The following DIAPH2 variants were observed in gnomAD, a reference collection of about 807,000 sequenced individuals.
The protein encoded by DIAPH2 is protein diaphanous homolog 2.
Under a neutral mutation model 92.7 loss-of-function variants are expected in DIAPH2, and 35 were observed. The ratio of observed to expected loss-of-function variants is 0.38; its 90% confidence interval spans 0.29 to 0.50. The LOEUF (loss-of-function observed/expected upper bound fraction) is 0.50, where lower values mean the gene tolerates loss of function less well. Among genes scored for constraint, DIAPH2 ranks in the 20% least tolerant of loss-of-function variants. The pLI, the probability that DIAPH2 is intolerant of heterozygous loss-of-function variation, is 0.94. For synonymous variants in DIAPH2, 301 were observed against 280.4 expected (o/e 1.07, Z -0.73); for missense variants, 701 against 819.5 (o/e 0.86, Z 1.77).
intron 23 of DIAPH2, among the ~76,000 whole-genome samples, chrX:97,300,995 A>G (rs1343361790): frequency 3.3e-5 from 3 of 89,646 alleles, no homozygotes; most frequent in Non-Finnish European, 6.5e-5. Flanking sequence ...ATAGTTATTC[A>G]TAACAATTGT....
At chrX:97,360,335 T>C (rs1241727589) in intron 24 of DIAPH2, among the ~76,000 whole-genome samples, 1 of 110,261 alleles carries the variant, frequency 9.1e-6, no homozygotes, top group Non-Finnish European at 1.9e-5. Context: ...CAAAACAGTC[T>C]GGGTGCGGTG....
intron 26 of DIAPH2, among the ~76,000 whole-genome samples, chrX:97,544,039 A>G (rs2071161422): frequency 8.9e-6 from 1 of 112,012 alleles, no homozygotes; most frequent in African/African-American, 3.2e-5. Flanking sequence ...AATAATTGTT[A>G]AACATTCTTC....
At chrX:97,011,704 A>G (rs999642758) in intron 17 of DIAPH2, among the ~76,000 whole-genome samples, 10 of 109,227 alleles carry the variant, frequency 9.2e-5, no homozygotes, top group Non-Finnish European at 1.9e-4. Context: ...CATGGCCAAC[A>G]TGGTGGTGAA....
intron 26 of DIAPH2, among the ~76,000 whole-genome samples, chrX:97,471,710 A>AG (rs2070565420): frequency 9.2e-6 from 1 of 108,415 alleles, no homozygotes; most frequent in African/African-American, 3.3e-5. Flanking sequence ...AAAAAAAAAA[A>AG]AAGGAAAGAA....
intron 26 of DIAPH2, among the ~76,000 whole-genome samples, chrX:97,541,687 C>T (rs915750619): frequency 8.9e-6 from 1 of 112,011 alleles, no homozygotes; most frequent in Non-Finnish European, 1.9e-5. Flanking sequence ...GTTCTCTTTT[C>T]CTGTGTTCAT....
At chrX:96,871,469 C>CAAAAAA (rs34852539) in intron 4 of DIAPH2, among the ~76,000 whole-genome samples, 14 of 28,820 alleles carry the variant, frequency 4.9e-4, no homozygotes, top group African/African-American at 1.8e-3. Flanking sequence ...GACTCCGTCT[C>CAAAAAA]AAAAAAAAAA....
chrX:97,167,658 C>T (rs760606086), intron 22 of DIAPH2, among the ~76,000 whole-genome samples: 1 of 111,705 alleles, frequency 9.0e-6, no homozygotes, highest in Non-Finnish European at 1.9e-5. Flanking sequence ...TACTAGATAA[C>T]ATCAAATATT....
chrX:97,286,243 G>T (rs1253161959), intron 23 of DIAPH2, among the ~76,000 whole-genome samples: 1 of 107,120 alleles, frequency 9.3e-6, no homozygotes, highest in African/African-American at 3.4e-5. Flanking sequence ...TAGATACGGG[G>T]TTTTACCATG....
chrX:97,201,626 A>T (rs1602413354), intron 22 of DIAPH2, among the ~76,000 whole-genome samples: 1 of 109,383 alleles, frequency 9.1e-6, no homozygotes, highest in East Asian at 3.0e-4. Context: ...AGAACATAGA[A>T]TGAAAAGGAA....
intron 22 of DIAPH2, among the ~76,000 whole-genome samples, chrX:97,229,046 A>G (rs768252942): frequency 1.8e-5 from 2 of 111,688 alleles, no homozygotes; most frequent in Non-Finnish European, 3.8e-5. Flanking sequence ...TAAGGCTGGT[A>G]TGTGGGGTTT....
chrX:96,937,027 G>A (rs2065662263), intron 10 of DIAPH2, among the ~76,000 whole-genome samples: 1 of 111,664 alleles, frequency 9.0e-6, no homozygotes, highest in South Asian at 3.7e-4. Context: ...GTAGGGCATG[G>A]AAAAAATGAA....
intron 19 of DIAPH2, among the ~76,000 whole-genome samples, chrX:97,079,063 T>C (rs916791306): frequency 9.0e-6 from 1 of 111,258 alleles, no homozygotes; most frequent in Non-Finnish European, 1.9e-5. Context: ...TCACTTTCTC[T>C]CCCTCACTTC....
intron 26 of DIAPH2, among the ~76,000 whole-genome samples, chrX:97,479,769 A>G (rs1213608173): frequency 9.1e-6 from 1 of 109,700 alleles, no homozygotes; most frequent in Non-Finnish European, 1.9e-5. Context: ...CATTTTTTTT[A>G]TCTCCCCACA....
chrX:96,810,301 C>A (rs1473773068), intron 4 of DIAPH2, among the ~76,000 whole-genome samples: 1 of 112,374 alleles, frequency 8.9e-6, no homozygotes, highest in Admixed American at 9.4e-5. Context: ...TGTCTGTTGG[C>A]TGCATAAATG....
intron 16 of DIAPH2, among the ~76,000 whole-genome samples, chrX:96,962,288 TATATATATATACATATATATATAC>T (rs1230625817): frequency 0.063 from 4,023 of 63,405 alleles, 227 homozygotes; most frequent in Non-Finnish European, 0.096. Context: ...TATATATACA[TATATATATATACATATATATATAC>T]ATATATATAT....
At chrX:97,160,327 G>C (rs142944887) in intron 22 of DIAPH2, among the ~76,000 whole-genome samples, 2 of 112,256 alleles carry the variant, frequency 1.8e-5, no homozygotes, top group African/African-American at 6.5e-5. Context: ...AGAACCGGAA[G>C]AGAACAGAGA....
intron 4 of DIAPH2, among the ~76,000 whole-genome samples, chrX:96,798,853 C>A (rs906563387): frequency 9.0e-6 from 1 of 111,224 alleles, no homozygotes; most frequent in African/African-American, 3.3e-5. Flanking sequence ...TTCTGATTTC[C>A]AAATGCTCAA....
intron 17 of DIAPH2, among the ~76,000 whole-genome samples, chrX:97,063,294 C>G (rs1174387388): frequency 9.0e-6 from 1 of 110,983 alleles, no homozygotes; most frequent in Non-Finnish European, 1.9e-5. Context: ...TTTTTATGTG[C>G]ATAGAATAAG....
intron 23 of DIAPH2, among the ~76,000 whole-genome samples, chrX:97,288,526 G>A (rs1049390027): frequency 1.2e-4 from 13 of 110,313 alleles, no homozygotes; most frequent in Non-Finnish European, 1.9e-5. Flanking sequence ...GGTGGATCAC[G>A]AGGTCAGGAG....
Sources: gnomAD v4.1 joint callset for allele counts (sites outside exome capture counted in the v4.1 genomes callset) on GRCh38, gnomAD v4.1.1 for gene constraint, MANE v1.5 for transcripts, NCBI Gene and HGNC (gene_info 2026-07-23, HGNC 2026-07-21) for gene names.